CTNND2: variants seen among roughly 807,000 people sequenced by gnomAD.
CTNND2 encodes catenin delta-2.
CTNND2 carries 22 observed loss-of-function variants against 144.4 expected under a neutral mutation model. The ratio of observed to expected loss-of-function variants is 0.15; its 90% CI spans 0.11 to 0.22. CTNND2 has a LOEUF of 0.22. CTNND2 is among the 10% of genes least tolerant of loss of function. The pLI, the probability that CTNND2 is intolerant of heterozygous loss-of-function variation, is 1.00. For missense variants in CTNND2, 1,353 were observed against 1,618.8 expected, an observed-to-expected ratio of 0.84 and a Z score of 2.82; for synonymous variants, 751 against 695.6, an observed-to-expected ratio of 1.08 and a Z score of -1.25.
rs76060588 is a variant in CTNND2, at chr5:11,614,904, T to G, written c.175-49848A>C. ...AGTGGGGACAATAGTACCTACCTGA[T>G]AAGGTCCTTGTGAGAACTAAATGAA... On this transcript the variant is annotated intron_variant, in intron 2 of 21. Transcript: ENST00000304623. 5.0e-3 allele frequency among the ~76,000 whole-genome samples: 768 copies of G among 152,332 alleles called. 5 individuals carry two copies. Among genetic ancestry groups the G allele is most frequent in the Middle Eastern group, 0.017 (5 of 294 alleles).
intron 9 of CTNND2, among the ~76,000 whole-genome samples, chr5:11,342,388 C>T (rs550737595): frequency 2.4e-4 from 37 of 152,272 alleles, no homozygotes; most frequent in African/African-American, 8.4e-4. Context: ...ATAGAGCCGA[C>T]TGAAAGTGCA....
intron 14 of CTNND2, among the ~76,000 whole-genome samples, chr5:11,099,115 TA>T (rs1019088883): frequency 7.2e-5 from 11 of 152,236 alleles, no homozygotes; most frequent in African/African-American, 9.6e-5. Flanking sequence ...CAAGGTAGCA[TA>T]TTTTATAGTA....
At chr5:11,366,323 A>T (rs1404848258) in intron 7 of CTNND2, among the ~76,000 whole-genome samples, 1 of 152,242 alleles carries the variant, frequency 6.6e-6, no homozygotes, top group Non-Finnish European at 1.5e-5. Context: ...CACAGAGAAC[A>T]GTATTCCTGA....
intron 10 of CTNND2, among the ~76,000 whole-genome samples, chr5:11,224,082 C>T (rs757196086): frequency 6.6e-6 from 1 of 152,272 alleles, no homozygotes; most frequent in Non-Finnish European, 1.5e-5. Context: ...ATTCTGAGTC[C>T]ATGATTCTGC....
chr5:11,066,315 G>C (rs1358532905), intron 16 of CTNND2, among the ~76,000 whole-genome samples: 1 of 152,234 alleles, frequency 6.6e-6, no homozygotes, highest in East Asian at 1.9e-4. Flanking sequence ...TGGGATTACA[G>C]GCATGCGCCA....
intron 14 of CTNND2, among the ~76,000 whole-genome samples, chr5:11,107,063 T>C (rs1752493950): frequency 6.6e-6 from 1 of 152,178 alleles, no homozygotes; most frequent in Admixed American, 6.6e-5. Flanking sequence ...ATACACTTAC[T>C]AACTATAAGA....
chr5:11,070,360 A>G (rs943644212), intron 16 of CTNND2, among the ~76,000 whole-genome samples: 2 of 152,216 alleles, frequency 1.3e-5, no homozygotes, highest in African/African-American at 4.8e-5. Context: ...AGGATTGAAA[A>G]TAGCACATGG....
At chr5:10,987,712 C>T (rs1282488618) in intron 20 of CTNND2, among the ~76,000 whole-genome samples, 1 of 138,900 alleles carries the variant, frequency 7.2e-6, no homozygotes, top group Non-Finnish European at 1.6e-5. Context: ...CTCCCCTCCC[C>T]TCCCCTCCCC....
At position 11,361,788 on chromosome 5, in the gene CTNND2, A is replaced by T. The variant is rs574506134; in HGVS notation, c.1372+2908T>A. On this transcript the variant is annotated intron_variant, in intron 8 of 21. Transcript: ENST00000304623. ...TATCTGGCCTCACATGCTTGTTTCA[A>T]TGACACCGTCTAATAATTCCCTAAC... Among the ~76,000 whole-genome samples the T allele has an allele frequency of 3.6e-3, 555 of 152,292 alleles. 3 individuals are homozygous for T. Among genetic ancestry groups the T allele is most frequent in the African/African-American group, 0.013 (521 of 41,566 alleles).
intron 1 of CTNND2, among the ~76,000 whole-genome samples, chr5:11,773,627 T>C (rs1205445434): frequency 6.6e-6 from 1 of 152,114 alleles, no homozygotes; most frequent in East Asian, 1.9e-4. Context: ...CTGGCCAACA[T>C]GGTGAGACCC....
At chr5:11,184,688 T>G (rs1735438558) in intron 11 of CTNND2, among the ~76,000 whole-genome samples, 1 of 152,214 alleles carries the variant, frequency 6.6e-6, no homozygotes, top group South Asian at 2.1e-4. Context: ...TGTGAATTAA[T>G]AGTCTGTGGA....
intron 2 of CTNND2, among the ~76,000 whole-genome samples, chr5:11,660,911 T>C (rs1187424673): frequency 6.6e-6 from 1 of 152,056 alleles, no homozygotes; most frequent in Non-Finnish European, 1.5e-5. Flanking sequence ...TTGAGAAAAA[T>C]AACAAATGGA....
At chr5:11,300,943 T>C (rs73055773) in intron 9 of CTNND2, among the ~76,000 whole-genome samples, 6,950 of 152,190 alleles carry the variant, frequency 0.046, 563 homozygotes, top group African/African-American at 0.16. Flanking sequence ...GGGAAGATAC[T>C]GATGGGGAAG....
intron 1 of CTNND2, among the ~76,000 whole-genome samples, chr5:11,819,523 C>T (rs1293503371): frequency 6.6e-6 from 1 of 152,116 alleles, no homozygotes; most frequent in Non-Finnish European, 1.5e-5. Context: ...TCTTTCCTGA[C>T]ACTTATGGGG....
intron 12 of CTNND2, among the ~76,000 whole-genome samples, chr5:11,125,734 C>A (rs1206596023): frequency 1.3e-5 from 2 of 152,162 alleles, no homozygotes; most frequent in African/African-American, 2.4e-5. Context: ...TTTTAAAAAT[C>A]AAAAACTAAT....
chr5:11,132,144 T>C (rs1378537579), intron 12 of CTNND2, among the ~76,000 whole-genome samples: 4 of 152,146 alleles, frequency 2.6e-5, no homozygotes, highest in East Asian at 3.9e-4. Flanking sequence ...CTCTAAAATA[T>C]TGTTTTATTG....
intron 2 of CTNND2, among the ~76,000 whole-genome samples, chr5:11,699,949 G>A (rs1310346068): frequency 6.6e-6 from 1 of 152,180 alleles, no homozygotes; most frequent in Admixed American, 6.5e-5. Context: ...TCGGATACTT[G>A]GTAGAAGCTC....
intron 3 of CTNND2, among the ~76,000 whole-genome samples, chr5:11,433,852 G>C (rs767484041): frequency 3.3e-5 from 5 of 152,156 alleles, no homozygotes; most frequent in Admixed American, 6.5e-5. Flanking sequence ...CAGTTGTAAA[G>C]GTACCAAATT....
At chr5:11,565,505 G>T (rs544257709) in intron 2 of CTNND2, among the ~76,000 whole-genome samples, 3 of 152,286 alleles carry the variant, frequency 2.0e-5, no homozygotes, top group African/African-American at 7.2e-5. Flanking sequence ...ACTCTATAGT[G>T]TTTACTGCTT....
Sources: allele counts gnomAD v4.1 joint callset (sites outside exome capture counted in the v4.1 genomes callset), GRCh38; gene constraint gnomAD v4.1.1; transcripts MANE v1.5; gene names NCBI Gene and HGNC (gene_info 2026-07-23, HGNC 2026-07-21).